HS3ST2: variants seen among roughly 807,000 people sequenced by gnomAD.
The protein encoded by HS3ST2 is heparan sulfate glucosamine 3-O-sulfotransferase 2.
HS3ST2 carries 17 observed loss-of-function variants against 26.3 expected under a neutral mutation model. The ratio of observed to expected loss-of-function variants is 0.65; its 90% CI spans 0.44 to 0.97. The LOEUF (loss-of-function observed/expected upper bound fraction) is 0.97, where lower values mean the gene tolerates loss of function less well. HS3ST2 is among the 50% of genes least tolerant of loss of function. HS3ST2 has a pLI of 0.00. For synonymous variants in HS3ST2, 237 were observed against 219.2 expected, an observed-to-expected ratio of 1.08 and a Z score of -0.72; for missense variants, 402 against 501.2, an observed-to-expected ratio of 0.80 and a Z score of 1.89.
intron 1 of HS3ST2, among the ~76,000 whole-genome samples, chr16:22,905,049 T>C (rs957153053): frequency 1.3e-5 from 2 of 152,212 alleles, no homozygotes; most frequent in Non-Finnish European, 2.9e-5. Context: ...CGCTCTTAAT[T>C]ATCTCTCCGG....
chr16:22,819,378 T>C (rs1286300036), intron 1 of HS3ST2, among the ~76,000 whole-genome samples: 2 of 152,162 alleles, frequency 1.3e-5, no homozygotes, highest in Non-Finnish European at 2.9e-5. Flanking sequence ...TTTAGGATGC[T>C]CTCCATTCTA....
At chr16:22,870,777 TC>T (rs1901826004) in intron 1 of HS3ST2, among the ~76,000 whole-genome samples, 1 of 152,136 alleles carries the variant, frequency 6.6e-6, no homozygotes, top group Admixed American at 6.6e-5. Context: ...AGGGAAGTTT[TC>T]CCCAGCCACC....
intron 1 of HS3ST2, 35 bp downstream of exon 1, chr16:22,815,130 C>T (rs1466390670): frequency 1.9e-6 from 3 of 1,602,876 alleles, no homozygotes; most frequent in Admixed American, 1.8e-5. Flanking sequence ...TGCGCCGGGT[C>T]TCTGATCGCT....
intron 1 of HS3ST2, among the ~76,000 whole-genome samples, chr16:22,861,172 C>T (rs138590130): frequency 7.9e-5 from 12 of 152,244 alleles, no homozygotes; most frequent in African/African-American, 1.4e-4. Context: ...CCACTATACT[C>T]GGCCTATAAA....
At chr16:22,878,797 G>A (rs146784094) in intron 1 of HS3ST2, among the ~76,000 whole-genome samples, 45 of 152,182 alleles carry the variant, frequency 3.0e-4, no homozygotes, top group Admixed American at 1.2e-3. Flanking sequence ...GGGAGAAGCC[G>A]TGTGGATATC....
At chr16:22,891,593 TAAAA>T (rs1902130489) in intron 1 of HS3ST2, among the ~76,000 whole-genome samples, 2 of 152,208 alleles carry the variant, frequency 1.3e-5, no homozygotes, top group Non-Finnish European at 2.9e-5. Flanking sequence ...TAATTACAAT[TAAAA>T]AATCAATTTT....
At chr16:22,867,047 A>G (rs1901767282) in intron 1 of HS3ST2, among the ~76,000 whole-genome samples, 1 of 152,220 alleles carries the variant, frequency 6.6e-6, no homozygotes, top group South Asian at 2.1e-4. Flanking sequence ...TAGGATTATT[A>G]TTTTAAAACA....
intron 1 of HS3ST2, among the ~76,000 whole-genome samples, chr16:22,824,953 C>T (rs1165917286): frequency 6.6e-6 from 1 of 152,036 alleles, no homozygotes. Context: ...CTCACGGTGG[C>T]ACAAGGGCTT....
At chr16:22,914,692 G>A (rs1902466882) in intron 1 of HS3ST2, among the ~76,000 whole-genome samples, 1 of 120,540 alleles carries the variant, frequency 8.3e-6, no homozygotes, top group Admixed American at 1.1e-4. Flanking sequence ...AGCTGTGATT[G>A]TACCACTGCA....
chr16:22,907,328 A>C (rs192071359), intron 1 of HS3ST2, among the ~76,000 whole-genome samples: 1 of 152,224 alleles, frequency 6.6e-6, no homozygotes, highest in Admixed American at 6.5e-5. Flanking sequence ...AGAATCATTG[A>C]TGCCTGACTT....
At chr16:22,857,942 G>A (rs903132450) in intron 1 of HS3ST2, among the ~76,000 whole-genome samples, 1 of 152,144 alleles carries the variant, frequency 6.6e-6, no homozygotes, top group Admixed American at 6.5e-5. Flanking sequence ...GGAGAGATGT[G>A]AGAGATTCTT....
intron 1 of HS3ST2, among the ~76,000 whole-genome samples, chr16:22,853,826 C>T (rs1310765050): frequency 6.6e-6 from 1 of 152,132 alleles, no homozygotes; most frequent in Non-Finnish European, 1.5e-5. Context: ...GCAGCCAAAA[C>T]AAATAAAAAT....
intron 1 of HS3ST2, among the ~76,000 whole-genome samples, chr16:22,873,286 A>G (rs1901863482): frequency 6.6e-6 from 1 of 152,196 alleles, no homozygotes; most frequent in Non-Finnish European, 1.5e-5. Context: ...GTAGAAGCAG[A>G]ATCTATTTCA....
At chr16:22,901,373 G>A (rs867507378) in intron 1 of HS3ST2, among the ~76,000 whole-genome samples, 5 of 152,124 alleles carry the variant, frequency 3.3e-5, no homozygotes, top group African/African-American at 7.2e-5. Flanking sequence ...GCAGCAAGTC[G>A]GCCTCACTGT....
Position 22,858,937 on chromosome 16 carries a change from G to C in HS3ST2, c.485+43842G>C, listed in dbSNP as rs113926908. ...TCCCTGCACTTTGGGAGGCTGAAGT[G>C]GGAGTATCACTTGAAGCCAGGAGTT... On this transcript the variant is annotated intron_variant, in intron 1 of 1. Coordinates refer to ENST00000261374, the MANE Select transcript of HS3ST2 (RefSeq NM_006043.2). Among the ~76,000 whole-genome samples the C allele has an allele frequency of 9.2e-3, 1,394 of 152,290 alleles. 28 individuals carry two copies. Among genetic ancestry groups the C allele is most frequent in the African/African-American group, 0.032 (1,326 of 41,544 alleles).
rs1298679367 is a variant in HS3ST2, at chr16:22,890,264, G to A, written c.486-24680G>A. ...AATCACATTAATAATCAGACTTTGG[G>A]GTTTTCTACAAGGATTTTCTTTTTA... On this transcript the variant is annotated intron_variant, in intron 1 of 1. Transcript: ENST00000261374. Among the ~76,000 whole-genome samples, 3 of 151,730 alleles carry A rather than the reference G, an allele frequency of 2.0e-5. No individual in the cohort carries two copies. The East Asian group carries it at 5.8e-4, about 29-fold the overall frequency.
intron 1 of HS3ST2, among the ~76,000 whole-genome samples, chr16:22,841,236 T>C (rs74737620): frequency 6.6e-6 from 1 of 152,080 alleles, no homozygotes; most frequent in Non-Finnish European, 1.5e-5. Context: ...TAATTTTTTA[T>C]ATTTTTAGTA....
intron 1 of HS3ST2, among the ~76,000 whole-genome samples, chr16:22,893,163 C>T (rs1384559924): frequency 1.3e-5 from 2 of 152,174 alleles, no homozygotes; most frequent in Non-Finnish European, 2.9e-5. Context: ...ATCTTAGCTT[C>T]GCTATTCAGT....
chr16:22,847,129 C>T (rs2141184303), intron 1 of HS3ST2, among the ~76,000 whole-genome samples: 1 of 152,276 alleles, frequency 6.6e-6, no homozygotes, highest in South Asian at 2.1e-4. Flanking sequence ...TCCTTGCCCT[C>T]TTCCCACCCT....
Sources: gnomAD v4.1 joint callset for allele counts (sites outside exome capture counted in the v4.1 genomes callset) on GRCh38, gnomAD v4.1.1 for gene constraint, MANE v1.5 for transcripts, NCBI Gene and HGNC (gene_info 2026-07-23, HGNC 2026-07-21) for gene names.